GRAMD1C: variants seen among roughly 807,000 people sequenced by gnomAD.
GRAMD1C encodes the protein protein Aster-C.
In GRAMD1C, 89 loss-of-function variants were observed where a neutral mutation model predicts 97.8. That is an observed-to-expected ratio of 0.91 (90% CI 0.77 to 1.09). GRAMD1C has a LOEUF of 1.09. Among genes scored for constraint, GRAMD1C ranks in the 50% least tolerant of loss-of-function variants. The pLI, the probability that GRAMD1C is intolerant of heterozygous loss-of-function variation, is 0.00. For synonymous variants in GRAMD1C, 256 were observed against 267.0 expected (o/e 0.96, Z 0.40); for missense variants, 740 against 766.4 (o/e 0.97, Z 0.41).
chr3:113,926,491 A>G (rs944268176), intron 10 of GRAMD1C, among the ~76,000 whole-genome samples: 1 of 152,040 alleles, frequency 6.6e-6, no homozygotes, highest in Admixed American at 6.6e-5. Context: ...TTTCATTCCT[A>G]TCTATATTCT....
rs567213374 is a variant in GRAMD1C at position 113,829,368 on chromosome 3, C to A, written n.98+1089C>A. Among the ~76,000 whole-genome samples, 348 of 152,274 alleles carry A rather than the reference C, an allele frequency of 2.3e-3. 1 individual carries two copies. Among genetic ancestry groups the A allele is most frequent in the Non-Finnish European group, 4.5e-3 (306 of 68,016 alleles). The stretch of plus-strand genomic sequence containing the variant: ...AAGGCTGAGGTGGATCACTTGAGTC[C>A]AGAAGGTTAAGACTGCAGTGAACAG... On this transcript the variant is annotated intron_variant and non_coding_transcript_variant, in intron 1 of 18. Transcript: ENST00000479212.
At chr3:113,919,865 A>G in intron 10 of GRAMD1C, 2 of 654,714 alleles carry the variant, frequency 3.1e-6, no homozygotes, top group South Asian at 2.8e-5. Flanking sequence ...CAAAAAAGAG[A>G]TCACAGGAAT....
chr3:113,878,036 T>C (rs1225362426), intron 5 of GRAMD1C, among the ~76,000 whole-genome samples: 1 of 152,134 alleles, frequency 6.6e-6, no homozygotes, highest in Non-Finnish European at 1.5e-5. Flanking sequence ...CACCTTGGCC[T>C]CCCAAAGTGC....
intron 7 of GRAMD1C, among the ~76,000 whole-genome samples, chr3:113,902,635 C>T (rs944878489): frequency 6.6e-6 from 1 of 152,082 alleles, no homozygotes; most frequent in South Asian, 2.1e-4. Context: ...TTTCTTCTGG[C>T]GATTGAATGC....
intron 10 of GRAMD1C, among the ~76,000 whole-genome samples, chr3:113,928,302 A>G (rs984899460): frequency 1.3e-5 from 2 of 152,112 alleles, no homozygotes; most frequent in African/African-American, 4.8e-5. Flanking sequence ...CTAATTCACC[A>G]TCTTGACCCA....
At position 113,882,776 on chromosome 3, in the gene GRAMD1C, A is replaced by G; in HGVS notation, c.484A>G (p.Arg162Gly). ...EKFFFTSFGA[R>G]DRSYLSIFRL... The stretch of plus-strand genomic sequence containing the variant: ...GTTTTTCTTCACATCTTTTGGTGCC[A>G]GGGATAGAAGTTACCTCAGTATCTT... Residue 162 changes from arginine (R) to glycine (G), a missense_variant, in exon 6 of 18, where the codon AGG becomes GGG. Physicochemically the swap from Arg to Gly is moderately radical, Grantham distance 125. Transcript: ENST00000358160. 1.3e-6 allele frequency: 2 copies of G among 1,594,002 alleles called. No homozygotes were observed. The highest frequency in any genetic ancestry group is 2.2e-5 in the East Asian group (1 of 44,644).
chr3:113,870,736 A>T (rs528639665), intron 3 of GRAMD1C, among the ~76,000 whole-genome samples: 6 of 152,244 alleles, frequency 3.9e-5, no homozygotes, highest in Admixed American at 2.0e-4. Flanking sequence ...TAAAAATTTT[A>T]AAAAAGATAA....
chr3:113,911,429 A>C (rs1936571426), intron 9 of GRAMD1C, among the ~76,000 whole-genome samples: 1 of 151,978 alleles, frequency 6.6e-6, no homozygotes, highest in African/African-American at 2.4e-5. Context: ...TAATTTTAGT[A>C]AACAAGGGGT....
intron 9 of GRAMD1C, 152 bp from the exon 10 acceptor site, chr3:113,915,549 A>G (rs1459972207): frequency 3.4e-6 from 2 of 584,122 alleles, no homozygotes; most frequent in East Asian, 2.9e-5. Context: ...TGGAGTTTTA[A>G]TAGTGTCCTA....
chr3:113,885,223 CGGGGGTTGCCCCCG>C, intron 6 of GRAMD1C: 1 of 857,598 alleles, frequency 1.2e-6, no homozygotes, highest in Non-Finnish European at 1.9e-6. Context: ...CTCCCTTCGG[CGGGGGTTGCCCCCG>C]GGGGGCTGGC....
chr3:113,879,153 C>A (rs2566975), intron 5 of GRAMD1C, among the ~76,000 whole-genome samples: 1 of 151,444 alleles, frequency 6.6e-6, no homozygotes, highest in Non-Finnish European at 1.5e-5. Flanking sequence ...TGCAGTGAGT[C>A]GAGACCGCGC....
Position 113,933,660 on chromosome 3 carries a change from T to C in GRAMD1C, c.1352+7T>C. On this transcript the variant is annotated splice_region_variant and intron_variant, in intron 12 of 17. Coordinates refer to ENST00000358160, the MANE Select transcript of GRAMD1C (RefSeq NM_017577.5). ...AACAGAAATGCAGGCTAAGGTGAGC[T>C]GCTGTACATGAATGTGTTAGGATAG... 6.3e-7 allele frequency: 1 copy of C among 1,594,568 alleles called. No individual in the cohort carries two copies. The highest frequency in any genetic ancestry group is 1.7e-5 in the Admixed American group (1 of 59,792).
At chr3:113,843,049 G>GTTTT (rs71144092) in intron 1 of GRAMD1C, among the ~76,000 whole-genome samples, 30 of 53,410 alleles carry the variant, frequency 5.6e-4, no homozygotes, top group Non-Finnish European at 7.7e-4. Context: ...ACCATAAGCT[G>GTTTT]TTTTTTTTTT....
intron 6 of GRAMD1C, among the ~76,000 whole-genome samples, chr3:113,892,216 A>G (rs1398444052): frequency 6.6e-6 from 1 of 152,162 alleles, no homozygotes; most frequent in Non-Finnish European, 1.5e-5. Flanking sequence ...TCACGCCTGT[A>G]ATCCTAGCCC....
chr3:113,924,109 G>C (rs1444771271), intron 10 of GRAMD1C, among the ~76,000 whole-genome samples: 2 of 125,542 alleles, frequency 1.6e-5, no homozygotes, highest in South Asian at 2.5e-4. Context: ...TTTTTTTTCT[G>C]TGGGGTCGGT....
At chr3:113,853,279 C>T (rs868130876) in intron 2 of GRAMD1C, among the ~76,000 whole-genome samples, 1 of 151,914 alleles carries the variant, frequency 6.6e-6, no homozygotes, top group African/African-American at 2.4e-5. Flanking sequence ...AAGATATATA[C>T]GTATTAGGAA....
chr3:113,917,184 C>G lies in GRAMD1C; in HGVS notation c.1090+1346C>G, dbSNP rs554623226. Among the ~76,000 whole-genome samples, 6 of 149,754 alleles carry G rather than the reference C, an allele frequency of 4.0e-5. No individual in the cohort carries two copies. The South Asian group carries it at 1.2e-3, about 31-fold the overall frequency. On this transcript the variant is annotated intron_variant, in intron 10 of 17. Transcript: ENST00000358160. Reference sequence around the variant, plus strand: ...AATAAAGTTTGAAACTGAATTTATCCTAAATGTTTTTGATATTTTATTAAC... The same window carrying G: ...AATAAAGTTTGAAACTGAATTTATCGTAAATGTTTTTGATATTTTATTAAC...
intron 5 of GRAMD1C, among the ~76,000 whole-genome samples, chr3:113,878,276 C>T (rs1204199974): frequency 3.3e-5 from 5 of 152,134 alleles, no homozygotes; most frequent in African/African-American, 1.2e-4. Flanking sequence ...AAGCTGGCTC[C>T]AGTATCCTTT....
chr3:113,892,868 C>T (rs1397008238), intron 6 of GRAMD1C, among the ~76,000 whole-genome samples: 3 of 152,180 alleles, frequency 2.0e-5, no homozygotes, highest in Middle Eastern at 3.4e-3. Context: ...AGCCCCCATC[C>T]GTGTTCTATA....
Sources: gnomAD v4.1 joint callset for allele counts (sites outside exome capture counted in the v4.1 genomes callset) on GRCh38, gnomAD v4.1.1 for gene constraint, MANE v1.5 for transcripts, NCBI Gene and HGNC (gene_info 2026-07-23, HGNC 2026-07-21) for gene names.